FER: variants seen among roughly 807,000 people sequenced by gnomAD.
The protein encoded by FER is tyrosine-protein kinase Fer.
Under a neutral mutation model 111.0 loss-of-function variants are expected in FER, and 63 were observed. That is an observed-to-expected ratio of 0.57 (90% CI 0.46 to 0.70). The LOEUF is 0.70. Among genes scored for constraint, FER ranks in the 30% least tolerant of loss-of-function variants. FER has a pLI of 0.00. For missense variants in FER, 914 were observed against 954.0 expected (o/e 0.96, Z 0.55); for synonymous variants, 327 against 313.9 (o/e 1.04, Z -0.44).
chr5:109,097,605 C>T (rs1353238077), intron 16 of FER, among the ~76,000 whole-genome samples: 2 of 151,882 alleles, frequency 1.3e-5, no homozygotes, highest in Non-Finnish European at 2.9e-5. Flanking sequence ...AGGACAGGCT[C>T]TGCCTTCTAA....
intron 5 of FER, among the ~76,000 whole-genome samples, chr5:108,850,964 G>C (rs1762488926): frequency 6.6e-6 from 1 of 152,128 alleles, no homozygotes; most frequent in Non-Finnish European, 1.5e-5. Context: ...ATTAAACTCT[G>C]TTAATGATAA....
chr5:109,120,237 G>C (rs927897182), intron 17 of FER, among the ~76,000 whole-genome samples: 4 of 152,220 alleles, frequency 2.6e-5, no homozygotes, highest in African/African-American at 9.6e-5. Context: ...ACAGACTAAA[G>C]TCTTAGAATT....
intron 16 of FER, among the ~76,000 whole-genome samples, chr5:109,079,210 A>G (rs1044596371): frequency 7.2e-5 from 11 of 152,178 alleles, no homozygotes; most frequent in African/African-American, 2.7e-4. Context: ...GTTAAAATCA[A>G]CTTTATAAGA....
At chr5:108,973,596 C>T (rs201659351) in intron 13 of FER, among the ~76,000 whole-genome samples, 2 of 151,956 alleles carry the variant, frequency 1.3e-5, no homozygotes, top group East Asian at 3.8e-4. Context: ...ATCTTGTGGA[C>T]ATCCTTGAAC....
At chr5:109,041,992 A>C in intron 14 of FER, among the ~76,000 whole-genome samples, 1 of 152,230 alleles carries the variant, frequency 6.6e-6, no homozygotes, top group East Asian at 1.9e-4. Flanking sequence ...AGTGAGAGCC[A>C]GGATTTTGTT....
At chr5:108,931,745 G>A (rs1754707259) in intron 10 of FER, among the ~76,000 whole-genome samples, 1 of 152,064 alleles carries the variant, frequency 6.6e-6, no homozygotes, top group Admixed American at 6.6e-5. Context: ...CAGGAGAAAC[G>A]CTTGAACCTG....
chr5:108,804,954 A>G (rs1274400384), intron 3 of FER, among the ~76,000 whole-genome samples: 1 of 145,850 alleles, frequency 6.9e-6, no homozygotes, highest in Non-Finnish European at 1.5e-5. Flanking sequence ...TTGGCTGTGA[A>G]TCCATTTAGT....
intron 1 of FER, among the ~76,000 whole-genome samples, chr5:108,749,415 T>G (rs2149894651): frequency 1.3e-5 from 2 of 149,702 alleles, no homozygotes; most frequent in South Asian, 2.2e-4. Flanking sequence ...GGCGGGGTGG[T>G]GGGGGGACTG....
intron 16 of FER, among the ~76,000 whole-genome samples, chr5:109,089,982 A>G (rs1221503245): frequency 2.0e-5 from 3 of 152,186 alleles, no homozygotes; most frequent in Non-Finnish European, 2.9e-5. Context: ...TTTCGGAGGA[A>G]GCACCCAACT....
rs202162884 is a variant in FER, at chr5:108,859,920, C to CTATTATTATTATTATTATTAT, written c.482-7830_482-7810dup. 2.2e-3 allele frequency among the ~76,000 whole-genome samples: 308 copies of CTATTATTATTATTATTATTAT among 141,592 alleles called. 1 individual carries two copies. Among genetic ancestry groups the CTATTATTATTATTATTATTAT allele is most frequent in the African/African-American group, 6.4e-3 (243 of 37,756 alleles). The allele number at this position is 141,592 out of a possible 152,430, so 92.9% of individuals were successfully genotyped here. ...TAAAAGTAGCAAGATATGTATATAC[C>CTATTATTATTATTATTATTAT]TATTATTATTATTATTATTATTATT... On this transcript the variant is annotated intron_variant, in intron 5 of 19. Coordinates refer to ENST00000281092, the MANE Select transcript of FER (RefSeq NM_005246.4).
chr5:108,776,192 A>G (rs1753464209), intron 2 of FER, among the ~76,000 whole-genome samples: 1 of 152,190 alleles, frequency 6.6e-6, no homozygotes, highest in Non-Finnish European at 1.5e-5. Flanking sequence ...GTTAATAAGA[A>G]TATATGTTGG....
chr5:108,798,498 T>A, intron 3 of FER, 109 bp downstream of exon 3: 2 of 867,200 alleles, frequency 2.3e-6, no homozygotes, highest in African/African-American at 1.7e-5. Flanking sequence ...TCTAAAGCAG[T>A]GATTCCACAG....
At chr5:108,800,537 GA>G (rs757150971) in intron 3 of FER, among the ~76,000 whole-genome samples, 1 of 152,020 alleles carries the variant, frequency 6.6e-6, no homozygotes, top group Non-Finnish European at 1.5e-5. Flanking sequence ...TTATTTTATA[GA>G]AACGGGGTCT....
intron 2 of FER, among the ~76,000 whole-genome samples, chr5:108,795,771 C>G (rs1290485489): frequency 6.6e-6 from 1 of 152,162 alleles, no homozygotes; most frequent in Non-Finnish European, 1.5e-5. Flanking sequence ...TTTGGTCTCT[C>G]TGTTATCTTG....
At chr5:108,763,179 C>A (rs1207339684) in intron 1 of FER, among the ~76,000 whole-genome samples, 5 of 152,122 alleles carry the variant, frequency 3.3e-5, no homozygotes, top group Non-Finnish European at 7.4e-5. Flanking sequence ...TGTGTCGTTG[C>A]CTCACGTAAC....
intron 11 of FER, among the ~76,000 whole-genome samples, chr5:108,947,311 A>G (rs1300162463): frequency 6.6e-6 from 1 of 152,176 alleles, no homozygotes; most frequent in South Asian, 2.1e-4. Flanking sequence ...TTACATTCCC[A>G]TTAGCAATAT....
chr5:108,884,283 G>A (rs1471016505), intron 9 of FER, among the ~76,000 whole-genome samples: 1 of 151,824 alleles, frequency 6.6e-6, no homozygotes, highest in Admixed American at 6.6e-5. Flanking sequence ...TGCTATTTCT[G>A]CACAACTTTT....
intron 12 of FER, 32 bp from the exon 13 acceptor site, chr5:108,959,193 A>C (rs748621111): frequency 6.3e-7 from 1 of 1,589,126 alleles, no homozygotes; most frequent in Non-Finnish European, 8.5e-7. Context: ...CAATGTCTTC[A>C]CATTTATTCT....
chr5:109,180,844 T>C lies in FER; in HGVS notation c.2146T>C (p.Ser716Pro). Residue 716 changes from serine to proline, a missense_variant, in exon 18 of 20, where the codon TCT becomes CCT. By Grantham distance (74) the Ser-to-Pro change is moderately conservative (BLOSUM62 -1). Coordinates refer to ENST00000281092, the MANE Select transcript of FER (RefSeq NM_005246.4). Reference sequence around the variant, plus strand: ...TCAAGAGGATGGTGGAGTGTATTCATCTTCTGGCTTAAAGCAGATTCCCAT... The same window carrying C: ...TCAAGAGGATGGTGGAGTGTATTCACCTTCTGGCTTAAAGCAGATTCCCAT... ...SRQEDGGVYSSSGLKQIPIKW... is the reference protein window; with the variant it reads ...SRQEDGGVYSPSGLKQIPIKW... The C allele has an allele frequency of 6.2e-7, 1 of 1,613,736 alleles. No individual in the cohort carries two copies. Among genetic ancestry groups the C allele is most frequent in the Non-Finnish European group, 8.5e-7 (1 of 1,179,756 alleles).
Sources: allele counts gnomAD v4.1 joint callset (sites outside exome capture counted in the v4.1 genomes callset), GRCh38; gene constraint gnomAD v4.1.1; transcripts MANE v1.5; gene names NCBI Gene and HGNC (gene_info 2026-07-23, HGNC 2026-07-21).